Variants in FAM53B observed in about 807,000 individuals in gnomAD.
FAM53B encodes the protein family with sequence similarity 53 member B.
FAM53B carries 12 observed loss-of-function variants against 32.7 expected under a neutral mutation model. The ratio of observed to expected loss-of-function variants is 0.37; its 90% CI spans 0.24 to 0.59. The LOEUF (loss-of-function observed/expected upper bound fraction) is 0.59. Ranked by LOEUF, FAM53B falls within the 20% of genes least tolerant of loss-of-function variation. The pLI, the probability that FAM53B is intolerant of heterozygous loss-of-function variation, is 0.72. For synonymous variants in FAM53B, 234 were observed against 228.7 expected, an observed-to-expected ratio of 1.02 and a Z score of -0.21; for missense variants, 477 against 577.7, an observed-to-expected ratio of 0.83 and a Z score of 1.79.
chr10:124,645,523 T>C (rs1328500738), intron 4 of FAM53B, among the ~76,000 whole-genome samples: 2 of 151,810 alleles, frequency 1.3e-5, no homozygotes, highest in African/African-American at 2.4e-5. Flanking sequence ...TGAGGGTAAA[T>C]TGAGTAGGGA....
At chr10:124,641,494 G>C (rs1949472819) in intron 4 of FAM53B, among the ~76,000 whole-genome samples, 1 of 152,194 alleles carries the variant, frequency 6.6e-6, no homozygotes, top group Admixed American at 6.5e-5. Flanking sequence ...CCACTGGGGA[G>C]GTGCCTCTCC....
chr10:124,727,208 G>C (rs1253286578), intron 1 of FAM53B, among the ~76,000 whole-genome samples: 3 of 151,776 alleles, frequency 2.0e-5, no homozygotes, highest in South Asian at 2.1e-4. Context: ...AGTAGAGATG[G>C]GTTTTCTCTA....
At chr10:124,710,048 G>T (rs1278221331) in intron 1 of FAM53B, among the ~76,000 whole-genome samples, 1 of 152,220 alleles carries the variant, frequency 6.6e-6, no homozygotes, top group Admixed American at 6.5e-5. Context: ...AGAGGGAAGG[G>T]TGTAAGCAAG....
At position 124,706,697 on chromosome 10, in the gene FAM53B, C is replaced by T. The variant is rs148187346; in HGVS notation, c.17G>A (p.Ser6Asn). The change falls in exon 2 of 5, where the codon AGT becomes AAT. Residue 6 changes from serine to asparagine, a missense_variant. Coordinates refer to ENST00000337318, the MANE Select transcript of FAM53B (RefSeq NM_014661.4). ...AGCTCCCCGGGTGCTGAGGCTTTCA[C>T]TTAGGACCATCACCATGATAAGGGC... The part of the protein sequence containing the change: MVMVL[S>N]ESLSTRGADS... The T allele has an allele frequency of 3.1e-6, 5 of 1,614,210 alleles. No homozygotes were observed. The highest frequency in any genetic ancestry group is 4.2e-6 in the Non-Finnish European group (5 of 1,180,026).
At position 124,735,681 on chromosome 10, in the gene FAM53B, C is replaced by T. The variant is rs577649638; in HGVS notation, c.-175+8332G>A. The stretch of plus-strand genomic sequence containing the variant: ...AGCCTCCCTTCAGTCCTCGCAACAG[C>T]ACGCGCTTGCCACAGGCTGCGTGAG... On this transcript the variant is annotated intron_variant, in intron 1 of 4. Coordinates refer to ENST00000337318, the MANE Select transcript of FAM53B (RefSeq NM_014661.4). 1.6e-4 allele frequency among the ~76,000 whole-genome samples: 24 copies of T among 152,364 alleles called. 2 individuals carry two copies. In the South Asian group the frequency reaches 5.0e-3, roughly 32 times the overall value.
chr10:124,702,808 G>T (rs1424184325), intron 2 of FAM53B, among the ~76,000 whole-genome samples: 1 of 152,212 alleles, frequency 6.6e-6, no homozygotes, highest in African/African-American at 2.4e-5. Context: ...GCGGGGCCTG[G>T]TGGGGGGTGT....
chr10:124,726,667 G>C (rs1463995268), intron 1 of FAM53B, among the ~76,000 whole-genome samples: 1 of 152,242 alleles, frequency 6.6e-6, no homozygotes, highest in African/African-American at 2.4e-5. Context: ...CAGAACAGCT[G>C]CCATACGAAG....
chr10:124,640,328 A>G (rs1466195483), intron 4 of FAM53B, among the ~76,000 whole-genome samples: 3 of 152,176 alleles, frequency 2.0e-5, no homozygotes, highest in Non-Finnish European at 2.9e-5. Context: ...TTGGGGAGGG[A>G]TCGTGTTCCT....
chr10:124,683,943 T>C (rs1455964375), intron 3 of FAM53B, among the ~76,000 whole-genome samples: 2 of 152,226 alleles, frequency 1.3e-5, no homozygotes, highest in Admixed American at 6.5e-5. Flanking sequence ...TCAACGGGAA[T>C]GACCTGTGCA....
chr10:124,734,822 G>A (rs954491396), intron 1 of FAM53B, among the ~76,000 whole-genome samples: 1 of 152,218 alleles, frequency 6.6e-6, no homozygotes, highest in Non-Finnish European at 1.5e-5. Context: ...AGACTCATGA[G>A]GCGCGATGCT....
At chr10:124,725,168 G>A (rs944931844) in intron 1 of FAM53B, among the ~76,000 whole-genome samples, 1 of 152,206 alleles carries the variant, frequency 6.6e-6, no homozygotes, top group African/African-American at 2.4e-5. Flanking sequence ...ACAAGACCCA[G>A]CAGTGATTTC....
rs569946351 is a variant in FAM53B at position 124,660,160 on chromosome 10, C to T, written c.906+21447G>A. Among the ~76,000 whole-genome samples the T allele has an allele frequency of 1.2e-4, 18 of 152,340 alleles. No individual in the cohort carries two copies. In the South Asian group the frequency reaches 3.5e-3, roughly 30 times the overall value. ...CAGTGGCGAGAAGCCCAGTGCTGCC[C>T]TCGCTGTTCACGTTTGGGTTTCGTT... On this transcript the variant is annotated intron_variant, in intron 4 of 4. Coordinates refer to ENST00000337318, the MANE Select transcript of FAM53B (RefSeq NM_014661.4).
Position 124,744,078 on chromosome 10 carries a change from CG to C in FAM53B, c.-241del, listed in dbSNP as rs1220553802. The C allele has an allele frequency of 4.8e-5, 7 of 147,162 alleles. No individual in the cohort carries two copies. Among genetic ancestry groups the C allele is most frequent in the Non-Finnish European group, 7.6e-5 (5 of 66,106 alleles). The allele number at this position is 147,162 out of a possible 1,614,324, so 9.1% of individuals were successfully genotyped here. On this transcript the variant is annotated 5_prime_UTR_variant, in exon 1 of 5. Coordinates refer to ENST00000337318, the MANE Select transcript of FAM53B (RefSeq NM_014661.4). ...CACCGCCAGCGCTCGCCAAGTCGTC[CG>C]GGGTGCCCGCCGCGCGTCCGCCGCG...
At chr10:124,700,520 GT>G (rs1366464836) in intron 2 of FAM53B, among the ~76,000 whole-genome samples, 1 of 152,166 alleles carries the variant, frequency 6.6e-6, no homozygotes, top group African/African-American at 2.4e-5. Flanking sequence ...TGAAGCCTCT[GT>G]TCCCGAGCCC....
chr10:124,650,184 G>T (rs572378051), intron 4 of FAM53B, among the ~76,000 whole-genome samples: 37 of 152,204 alleles, frequency 2.4e-4, no homozygotes, highest in Admixed American at 1.8e-3. Flanking sequence ...AATACTGTAG[G>T]CTGTGCCCTG....
At chr10:124,666,170 G>A (rs1156340549) in intron 4 of FAM53B, among the ~76,000 whole-genome samples, 4 of 152,214 alleles carry the variant, frequency 2.6e-5, no homozygotes, top group Non-Finnish European at 4.4e-5. Flanking sequence ...TAAGCTAGAT[G>A]CCCTGACATT....
rs986550647 is a variant in FAM53B at position 124,677,226 on chromosome 10, T to C, written c.906+4381A>G. Reference sequence around the variant, plus strand: ...AGTCTTGCTGGGAGCCAACCAATGCTGGGTGGTCAAACCAGGTCTCAAAAA... The same window carrying C: ...AGTCTTGCTGGGAGCCAACCAATGCCGGGTGGTCAAACCAGGTCTCAAAAA... On this transcript the variant is annotated intron_variant, in intron 4 of 4. Coordinates refer to ENST00000337318, the MANE Select transcript of FAM53B (RefSeq NM_014661.4). Among the ~76,000 whole-genome samples, 22 of 152,360 alleles carry C rather than the reference T, an allele frequency of 1.4e-4. No individual in the cohort carries two copies. In the East Asian group the frequency reaches 3.3e-3, roughly 23 times the overall value.
intron 1 of FAM53B, among the ~76,000 whole-genome samples, chr10:124,732,290 G>C (rs970891359): frequency 6.6e-6 from 1 of 152,166 alleles, no homozygotes; most frequent in Non-Finnish European, 1.5e-5. Flanking sequence ...CTCCCATAAG[G>C]GATTCTACCC....
chr10:124,739,679 C>A (rs929224507), intron 1 of FAM53B, among the ~76,000 whole-genome samples: 2 of 152,124 alleles, frequency 1.3e-5, no homozygotes, highest in African/African-American at 4.8e-5. Context: ...GATAGTCCAG[C>A]GTGGTCTGGC....
Sources: gnomAD v4.1 joint callset for allele counts (sites outside exome capture counted in the v4.1 genomes callset) on GRCh38, gnomAD v4.1.1 for gene constraint, MANE v1.5 for transcripts, NCBI Gene and HGNC (gene_info 2026-07-23, HGNC 2026-07-21) for gene names.